Variants in MLKL observed in about 807,000 individuals in gnomAD.
MLKL encodes mixed lineage kinase domain-like protein.
MLKL carries 55 observed loss-of-function variants against 56.5 expected under a neutral mutation model. That is an observed-to-expected ratio of 0.97 (90% CI 0.78 to 1.22). MLKL has a LOEUF of 1.22. Ranked by LOEUF, MLKL falls within the 50% of genes most tolerant of loss-of-function variation. The pLI, the probability that MLKL is intolerant of heterozygous loss-of-function variation, is 0.00. For missense variants in MLKL, 694 were observed against 573.9 expected (o/e 1.21, Z -2.14); for synonymous variants, 251 against 208.3 (o/e 1.20, Z -1.76).
chr16:74,672,632 A>G (rs1447268725), intron 10 of MLKL, 94 bp from the exon 11 acceptor site: 1 of 1,147,220 alleles, frequency 8.7e-7, no homozygotes, highest in Non-Finnish European at 1.3e-6. Context: ...AGTCATTTAG[A>G]AACTGCATTC....
rs374409244 is a variant in MLKL, at chr16:74,694,965, C to T, written c.460+333G>A. On this transcript the variant is annotated intron_variant, in intron 2 of 10. Coordinates refer to ENST00000308807, the MANE Select transcript of MLKL (RefSeq NM_152649.4). ...TCAGCTCACTGCAAGCTCTGCCTCC[C>T]GGGTTCACGCTGTTCTCCTGCCTCA... is the stretch of plus-strand genomic sequence containing the variant. Among the ~76,000 whole-genome samples the T allele has an allele frequency of 4.6e-4, 70 of 152,214 alleles. No homozygotes were observed. In the East Asian group the frequency reaches 4.7e-3, roughly 10 times the overall value.
At chr16:74,684,940 C>T (rs978942644) in intron 5 of MLKL, among the ~76,000 whole-genome samples, 1 of 152,088 alleles carries the variant, frequency 6.6e-6, no homozygotes, top group Non-Finnish European at 1.5e-5. Flanking sequence ...CCTCAGCTCA[C>T]TGCAACCTCC....
chr16:74,687,727 G>A (rs532410468), intron 4 of MLKL, among the ~76,000 whole-genome samples: 21 of 151,996 alleles, frequency 1.4e-4, no homozygotes, highest in Non-Finnish European at 2.4e-4. Context: ...GGAGTGCAGC[G>A]ATGCAATTTC....
At chr16:74,693,642 G>A (rs1236461907) in intron 2 of MLKL, among the ~76,000 whole-genome samples, 1 of 137,814 alleles carries the variant, frequency 7.3e-6, no homozygotes, top group Non-Finnish European at 1.5e-5. Flanking sequence ...TCTCTCTGTC[G>A]CCCAGGCTGG....
intron 4 of MLKL, among the ~76,000 whole-genome samples, chr16:74,687,146 T>G (rs1453903609): frequency 2.6e-5 from 4 of 152,120 alleles, no homozygotes; most frequent in African/African-American, 9.7e-5. Flanking sequence ...CGGCTAATTT[T>G]TGTATTTATA....
In MLKL at chr16:74,672,642, C is replaced by A. The variant is rs565102764; in HGVS notation, c.1382-104G>T. On this transcript the variant is annotated intron_variant, in intron 10 of 10. Coordinates refer to ENST00000308807, the MANE Select transcript of MLKL (RefSeq NM_152649.4). Reference sequence around the variant, plus strand: ...TGCACAGTCATTTAGAAACTGCATTCCCCCTGGTCTGGCTGGTGCCTGAAC... The same window carrying A: ...TGCACAGTCATTTAGAAACTGCATTACCCCTGGTCTGGCTGGTGCCTGAAC... The A allele has an allele frequency of 1.9e-5, 20 of 1,053,808 alleles. No individual in the cohort carries two copies. In the East Asian group the frequency reaches 4.5e-4, roughly 24 times the overall value. 65.3% of individuals were successfully genotyped at this position (1,053,808 alleles called of 1,614,324 possible).
intron 4 of MLKL, among the ~76,000 whole-genome samples, chr16:74,690,604 G>T (rs1597504289): frequency 6.6e-6 from 1 of 151,984 alleles, no homozygotes; most frequent in Admixed American, 6.6e-5. Flanking sequence ...CAGCACAGTG[G>T]GTCCCTGTCT....
At chr16:74,689,383 T>G (rs1960532953) in intron 4 of MLKL, among the ~76,000 whole-genome samples, 1 of 152,160 alleles carries the variant, frequency 6.6e-6, no homozygotes, top group Admixed American at 6.6e-5. Flanking sequence ...CCCAAAGTGC[T>G]GGGATTACAG....
chr16:74,691,645 C>A (rs963620685), intron 3 of MLKL, among the ~76,000 whole-genome samples, 182 bp from the exon 4 acceptor site: 14 of 152,172 alleles, frequency 9.2e-5, no homozygotes, highest in African/African-American at 2.2e-4. Context: ...CTCTGAGTGA[C>A]CAGTAGAGAC....
rs1959552275 is a variant in MLKL at position 74,675,679 on chromosome 16, G to T, written c.1124C>A (p.Ala375Glu). The T allele has an allele frequency of 6.2e-7, 1 of 1,613,936 alleles. No individual in the cohort carries two copies. The highest frequency in any genetic ancestry group is 1.3e-5 in the African/African-American group (1 of 74,920). The stretch of plus-strand genomic sequence containing the variant: ...TTCCAGTTCCTGAGGTGAGAGATAT[G>T]CTGTAGATTTGACTCTGTCTGTCTT... ...REKTDRVKST[A>E]YLSPQELEDV... The change falls in exon 8 of 11, where the codon GCA becomes GAA. Residue 375 changes from alanine to glutamate, a missense_variant. Ala to Glu is a moderately radical substitution (Grantham distance 107, BLOSUM62 -1). Transcript: ENST00000308807.
intron 4 of MLKL, among the ~76,000 whole-genome samples, chr16:74,688,414 T>C (rs1659972869): frequency 6.6e-6 from 1 of 152,044 alleles, no homozygotes; most frequent in African/African-American, 2.4e-5. Context: ...TATAAACTCT[T>C]AGAAGAAAAC....
At chr16:74,691,578 G>A in intron 3 of MLKL, 115 bp from the exon 4 acceptor site, 1 of 1,189,984 alleles carries the variant, frequency 8.4e-7, no homozygotes, top group Non-Finnish European at 1.2e-6. Context: ...ACATGAACCA[G>A]AGCTGGTGGT....
At chr16:74,694,854 AGTTTT>A (rs1960925657) in intron 2 of MLKL, among the ~76,000 whole-genome samples, 1 of 143,852 alleles carries the variant, frequency 7.0e-6, no homozygotes, top group African/African-American at 2.8e-5. Context: ...GGATGTTAGG[AGTTTT>A]GTTTGTTTGT....
At chr16:74,689,840 G>A (rs546907437) in intron 4 of MLKL, among the ~76,000 whole-genome samples, 45 of 152,240 alleles carry the variant, frequency 3.0e-4, no homozygotes, top group Middle Eastern at 3.4e-3. Flanking sequence ...TTACTATGTG[G>A]CTAAAAATAA....
chr16:74,693,392 C>CAGGAAGCA lies in MLKL; in HGVS notation c.461-984_461-977dup, dbSNP rs1960793242. On this transcript the variant is annotated intron_variant, in intron 2 of 10. Transcript: ENST00000308807. Reference sequence around the variant, plus strand: ...CTGAGGCACAAGAATCACTTGAACCCAGGAAGCAGAGGTTGCAGTGAGCCA... The same window carrying CAGGAAGCA: ...CTGAGGCACAAGAATCACTTGAACCCAGGAAGCAAGGAAGCAGAGGTTGCAGTGAGCCA... 2.1e-5 allele frequency among the ~76,000 whole-genome samples: 3 copies of CAGGAAGCA among 140,118 alleles called. No individual in the cohort carries two copies. The Admixed American group carries it at 2.3e-4, about 11-fold the overall frequency. 91.9% of individuals were successfully genotyped at this position (140,118 alleles called of 152,430 possible).
chr16:74,696,458 T>C (rs1035959123), intron 1 of MLKL, among the ~76,000 whole-genome samples: 5 of 151,814 alleles, frequency 3.3e-5, no homozygotes, highest in African/African-American at 1.2e-4. Flanking sequence ...TCATTTTTCC[T>C]ACAAAAAATT....
chr16:74,690,491 GA>G (rs908970365), intron 4 of MLKL, among the ~76,000 whole-genome samples: 2 of 150,804 alleles, frequency 1.3e-5, no homozygotes, highest in East Asian at 1.9e-4. Flanking sequence ...TCCATCACTG[GA>G]AAAAAAAAGA....
At chr16:74,690,339 C>G (rs1344957805) in intron 4 of MLKL, among the ~76,000 whole-genome samples, 3 of 152,140 alleles carry the variant, frequency 2.0e-5, no homozygotes, top group African/African-American at 7.2e-5. Context: ...CCTGGTAGTA[C>G]TTAGTCACTT....
chr16:74,687,454 A>G (rs1229222996), intron 4 of MLKL, among the ~76,000 whole-genome samples: 1 of 152,184 alleles, frequency 6.6e-6, no homozygotes, highest in African/African-American at 2.4e-5. Context: ...TTGACAAGAT[A>G]TTCCTAAAAT....
Sources: allele counts gnomAD v4.1 joint callset (sites outside exome capture counted in the v4.1 genomes callset), GRCh38; gene constraint gnomAD v4.1.1; transcripts MANE v1.5; gene names NCBI Gene and HGNC (gene_info 2026-07-23, HGNC 2026-07-21).